OR3A2: variants seen among roughly 807,000 people sequenced by gnomAD.
OR3A2 encodes olfactory receptor family 3 subfamily A member 2, also known as olfactory receptor 3A2.
For synonymous variants in OR3A2, 126 were observed against 159.3 expected, an observed-to-expected ratio of 0.79 and a Z score of 1.57; for missense variants, 318 against 392.8, an observed-to-expected ratio of 0.81 and a Z score of 1.61.
rs546577225 is a variant in OR3A2 at position 3,371,735 on chromosome 17, C to T, written c.-179+12069G>A. On this transcript the variant is annotated intron_variant, in intron 2 of 4. Coordinates refer to the OR3A2 transcript ENST00000573491. ...CTCCCTCCCGGACGGGGCAGCTGGC[C>T]GGGCAGAGGGACTCCTCACTTCCCA... 1.0e-4 allele frequency among the ~76,000 whole-genome samples: 14 copies of T among 138,844 alleles called. No homozygotes were observed. The South Asian group carries it at 1.4e-3, about 14-fold the overall frequency. The allele number at this position is 138,844 out of a possible 152,430, so 91.1% of individuals were successfully genotyped here. A position where few individuals can be genotyped will look rare whatever the true frequency, so the allele number is the denominator to read the frequency against.
At chr17:3,312,985 A>T (rs887368234) in intron 3 of OR3A2, among the ~76,000 whole-genome samples, 1 of 152,164 alleles carries the variant, frequency 6.6e-6, no homozygotes, top group Non-Finnish European at 1.5e-5. Flanking sequence ...TTTAATTCAT[A>T]CGTACAGATA....
intron 1 of OR3A2, among the ~76,000 whole-genome samples, chr17:3,283,018 T>TC (rs1555524363): frequency 6.7e-4 from 102 of 151,986 alleles, no homozygotes; most frequent in African/African-American, 2.4e-3. Flanking sequence ...TGCTCTCCTC[T>TC]TCTGTCTCTT....
intron 3 of OR3A2, chr17:3,310,297 A>G (rs771470005): frequency 9.5e-6 from 5 of 527,890 alleles, no homozygotes; most frequent in East Asian, 1.1e-4. Flanking sequence ...GTCCACTGCT[A>G]GTGGAAGACA....
At chr17:3,382,253 A>G (rs2049742579) in intron 2 of OR3A2, among the ~76,000 whole-genome samples, 1 of 152,198 alleles carries the variant, frequency 6.6e-6, no homozygotes, top group African/African-American at 2.4e-5. Context: ...GGATATTTGT[A>G]TGAGTGCAAA....
intron 1 of OR3A2, among the ~76,000 whole-genome samples, chr17:3,283,747 CTTAAACCTCCCAAAACAAT>C (rs2048791241): frequency 6.6e-6 from 1 of 152,052 alleles, no homozygotes; most frequent in African/African-American, 2.4e-5. Flanking sequence ...CTTCTTTTTA[CTTAAACCTCCCAAAACAAT>C]ACGGCCCTTA....
intron 2 of OR3A2, among the ~76,000 whole-genome samples, chr17:3,364,927 A>G (rs936996477): frequency 6.6e-6 from 1 of 152,072 alleles, no homozygotes; most frequent in Non-Finnish European, 1.5e-5. Flanking sequence ...AAAAAAAAAA[A>G]AGCAATTAAT....
At chr17:3,384,609 A>G (rs1009720013) in intron 1 of OR3A2, among the ~76,000 whole-genome samples, 4 of 152,184 alleles carry the variant, frequency 2.6e-5, no homozygotes, top group African/African-American at 9.7e-5. Context: ...AAATTAATAA[A>G]GTATTAAACA....
rs1045222900 is a variant in OR3A2 at position 3,304,888 on chromosome 17, G to A, written c.-84-25735C>T. On this transcript the variant is annotated intron_variant, in intron 3 of 4. Coordinates refer to the OR3A2 transcript ENST00000573491. ...ATAAAATCCATTATGTTGAGTAAAG[G>A]AAGCCTTACATAAAGGCATATGCAC... Among the ~76,000 whole-genome samples the A allele has an allele frequency of 5.9e-5, 9 of 152,094 alleles. No individual in the cohort carries two copies. In the South Asian group the frequency reaches 1.9e-3, roughly 31 times the overall value.
chr17:3,312,196 C>G (rs1285753659), intron 3 of OR3A2, among the ~76,000 whole-genome samples: 1 of 151,988 alleles, frequency 6.6e-6, no homozygotes, highest in Non-Finnish European at 1.5e-5. Flanking sequence ...TAGCGGGAGA[C>G]AAACTATTTT....
At position 3,295,520 on chromosome 17, in the gene OR3A2, T is replaced by G. The variant is rs117194847; in HGVS notation, c.-84-16367A>C. On this transcript the variant is annotated intron_variant, in intron 3 of 4. Coordinates refer to the OR3A2 transcript ENST00000573491. ...ACAAAACAAAGACAAATGTAGCCCT[T>G]ACAGTGAAAGGCTATTTCAAAACAA... 5.3e-5 allele frequency among the ~76,000 whole-genome samples: 8 copies of G among 152,220 alleles called. No homozygotes were observed. The East Asian group carries it at 1.5e-3, about 29-fold the overall frequency.
chr17:3,334,350 T>C (rs934149736), intron 3 of OR3A2, among the ~76,000 whole-genome samples: 2 of 152,170 alleles, frequency 1.3e-5, no homozygotes, highest in Non-Finnish European at 2.9e-5. Flanking sequence ...ACTATCGTCA[T>C]GAAAAACACT....
intron 1 of OR3A2, among the ~76,000 whole-genome samples, chr17:3,280,255 G>A (rs574022315): frequency 6.6e-6 from 1 of 151,704 alleles, no homozygotes; most frequent in Non-Finnish European, 1.5e-5. Flanking sequence ...GGAAAACCAC[G>A]CTGAAGTCAT....
chr17:3,330,092 T>C (rs1362000701), intron 3 of OR3A2, among the ~76,000 whole-genome samples: 2 of 146,656 alleles, frequency 1.4e-5, no homozygotes, highest in Middle Eastern at 3.4e-3. Flanking sequence ...TGTTATAATC[T>C]CTGTTCTTTT....
chr17:3,369,776 C>A (rs2049596356), intron 2 of OR3A2, among the ~76,000 whole-genome samples: 1 of 137,854 alleles, frequency 7.3e-6, no homozygotes, highest in Non-Finnish European at 1.6e-5. Flanking sequence ...TCCTCTTTAT[C>A]TTTTTGAATG....
chr17:3,353,876 C>T (rs2049441387), intron 2 of OR3A2, among the ~76,000 whole-genome samples: 1 of 150,344 alleles, frequency 6.7e-6, no homozygotes, highest in Non-Finnish European at 1.5e-5. Context: ...ACTATAGTCA[C>T]CCCACTGTGC....
rs2049568137 is a variant in OR3A2 at position 3,366,815 on chromosome 17, T to C, written c.-179+16989A>G. Among the ~76,000 whole-genome samples the C allele has an allele frequency of 3.3e-5, 5 of 152,348 alleles. No individual in the cohort carries two copies. The South Asian group carries it at 8.3e-4, about 25-fold the overall frequency. On this transcript the variant is annotated intron_variant, in intron 2 of 4. Transcript: ENST00000573491. ...AGCAGCCAGCTCAGCAGAACCATTG[T>C]GGACAATCTCTTCTCCAGTAAACCC...
intron 3 of OR3A2, among the ~76,000 whole-genome samples, chr17:3,331,478 C>G (rs1413388994): frequency 6.6e-6 from 1 of 151,824 alleles, no homozygotes; most frequent in African/African-American, 2.4e-5. Flanking sequence ...TCTTCCATCG[C>G]TGATACCCTT....
intron 2 of OR3A2, among the ~76,000 whole-genome samples, chr17:3,372,811 AT>A (rs1187273815): frequency 7.1e-6 from 1 of 140,856 alleles, no homozygotes; most frequent in East Asian, 2.2e-4. Context: ...GAGGGAGACC[AT>A]GGAAAGAGGG....
At chr17:3,306,213 G>A (rs1230157895) in intron 3 of OR3A2, among the ~76,000 whole-genome samples, 5 of 152,076 alleles carry the variant, frequency 3.3e-5, no homozygotes, top group African/African-American at 7.2e-5. Flanking sequence ...ATTCTATGGC[G>A]CCATCATAGC....
Sources: gnomAD v4.1 joint callset for allele counts (sites outside exome capture counted in the v4.1 genomes callset) on GRCh38, gnomAD v4.1.1 for gene constraint, MANE v1.5 for transcripts, NCBI Gene and HGNC (gene_info 2026-07-23, HGNC 2026-07-21) for gene names.